Variants in MYO7A observed in about 807,000 individuals in gnomAD.
MYO7A encodes unconventional myosin-VIIa.
In MYO7A, 210 loss-of-function variants were observed where a neutral mutation model predicts 263.8. The observed-to-expected ratio is 0.80, with a 90% CI of 0.71 to 0.89. MYO7A has a LOEUF of 0.89. Ranked by LOEUF, MYO7A falls within the 40% of genes least tolerant of loss-of-function variation. MYO7A has a pLI of 0.00. For missense variants in MYO7A, 2,820 were observed against 2,968.3 expected, an observed-to-expected ratio of 0.95 and a Z score of 1.16; for synonymous variants, 1,239 against 1,197.3, an observed-to-expected ratio of 1.03 and a Z score of -0.72.
rs1469572943 is a variant in MYO7A at position 77,190,847 on chromosome 11, C to T, written c.3901C>T (p.Leu1301Phe). 1.9e-6 allele frequency: 3 copies of T among 1,582,776 alleles called. No homozygotes were observed. Among genetic ancestry groups the T allele is most frequent in the African/African-American group, 1.3e-5 (1 of 74,298 alleles). ...TCTCAAGGACCGGTTCGGGTTCTCC[C>T]TCTACATTGCCCTGTTTGACAAGGT... The part of the protein sequence containing the change: ...ISLKDRFGFS[L>F]YIALFDKVSS... Residue 1301 changes from leucine to phenylalanine, a missense_variant, in exon 30 of 49, where the codon CTC becomes TTC. By Grantham distance (22) the Leu-to-Phe change is conservative. Coordinates refer to ENST00000409709, the MANE Select transcript of MYO7A (RefSeq NM_000260.4).
At chr11:77,197,848 C>T (rs777111420) in intron 33 of MYO7A, among the ~76,000 whole-genome samples, 1 of 152,250 alleles carries the variant, frequency 6.6e-6, no homozygotes, top group African/African-American at 2.4e-5. Context: ...CTCTTGCCTG[C>T]GGGATGCTTG....
chr11:77,199,295 C>G (rs1956899006), intron 34 of MYO7A, among the ~76,000 whole-genome samples: 1 of 152,180 alleles, frequency 6.6e-6, no homozygotes, highest in Non-Finnish European at 1.5e-5. Context: ...ATGGTATGAT[C>G]AGGGCTGTGG....
At position 77,167,183 on chromosome 11, in the gene MYO7A, G is replaced by A. The variant is rs540026725; in HGVS notation, c.1797+1021G>A. 1.4e-4 allele frequency among the ~76,000 whole-genome samples: 21 copies of A among 152,308 alleles called. 2 individuals are homozygous for A. The South Asian group carries it at 4.4e-3, about 32-fold the overall frequency. On this transcript the variant is annotated intron_variant, in intron 15 of 48. Coordinates refer to ENST00000409709, the MANE Select transcript of MYO7A (RefSeq NM_000260.4). ...TGTGTTTGGTTTTTGAGTTGTGTGT[G>A]CTGCAGGCATTTCTTTCTTCAAGGA... is the stretch of plus-strand genomic sequence containing the variant.
chr11:77,180,499 A>G lies in MYO7A; in HGVS notation c.2694+18A>G, dbSNP rs1955084521. 6.2e-7 allele frequency: 1 copy of G among 1,602,430 alleles called. No homozygotes were observed. The highest frequency in any genetic ancestry group is 1.3e-5 in the African/African-American group (1 of 74,888). On this transcript the variant is annotated intron_variant, in intron 22 of 48. Transcript: ENST00000409709. ...AGCATCAGGTGAGCTGAGAGCCTCC[A>G]GGCACCTTAGGTGTCCACTTGCTGG...
intron 3 of MYO7A, among the ~76,000 whole-genome samples, chr11:77,147,289 C>A (rs1190448609): frequency 1.3e-5 from 2 of 152,126 alleles, no homozygotes; most frequent in Non-Finnish European, 2.9e-5. Flanking sequence ...ATGCCACCTC[C>A]TCGGAGGGGC....
chr11:77,184,507 A>G (rs1955513373), intron 26 of MYO7A, 81 bp from the exon 27 acceptor site: 1 of 1,242,744 alleles, frequency 8.0e-7, no homozygotes, highest in South Asian at 1.3e-5. Context: ...TCTGGGGAGC[A>G]GGCAGCCTCG....
At chr11:77,167,347 C>T (rs1027398087) in intron 15 of MYO7A, among the ~76,000 whole-genome samples, 4 of 152,080 alleles carry the variant, frequency 2.6e-5, no homozygotes, top group East Asian at 3.9e-4. Flanking sequence ...CCCTGGTGGG[C>T]GCCTATGGCC....
intron 14 of MYO7A, 116 bp downstream of exon 14, chr11:77,163,104 A>G: frequency 1.6e-6 from 1 of 644,782 alleles, no homozygotes; most frequent in Non-Finnish European, 2.1e-6. Context: ...GTGATTATTC[A>G]TATATATATA....
At chr11:77,193,534 G>C (rs1476717153) in intron 31 of MYO7A, among the ~76,000 whole-genome samples, 2 of 150,400 alleles carry the variant, frequency 1.3e-5, no homozygotes, top group Admixed American at 6.6e-5. Flanking sequence ...GGCAGTGATG[G>C]TGGTGATGGT....
chr11:77,182,666 C>T, intron 25 of MYO7A, 66 bp downstream of exon 25: 1 of 1,540,660 alleles, frequency 6.5e-7, no homozygotes, highest in Non-Finnish European at 8.9e-7. Flanking sequence ...CTGGCATCAC[C>T]AGCCTTGGGC....
chr11:77,145,341 G>T (rs891718706), intron 3 of MYO7A, among the ~76,000 whole-genome samples: 14 of 152,174 alleles, frequency 9.2e-5, no homozygotes, highest in Non-Finnish European at 1.9e-4. Context: ...TGGGAAGAAG[G>T]GATTCTTACT....
At chr11:77,134,099 T>A (rs1555046759) in intron 2 of MYO7A, among the ~76,000 whole-genome samples, 1 of 151,834 alleles carries the variant, frequency 6.6e-6, no homozygotes, top group Non-Finnish European at 1.5e-5. Flanking sequence ...CTGGCTAATT[T>A]TTTTTATTTT....
At chr11:77,205,347 C>T (rs771603113) in intron 39 of MYO7A, 115 bp from the exon 40 acceptor site, 32 of 1,251,606 alleles carry the variant, frequency 2.6e-5, no homozygotes, top group Middle Eastern at 2.7e-4. Flanking sequence ...TCAGGAGGGA[C>T]GGTGCTGCTG....
chr11:77,195,620 C>T (rs186948683), intron 32 of MYO7A, among the ~76,000 whole-genome samples: 235 of 152,348 alleles, frequency 1.5e-3, no homozygotes, highest in African/African-American at 5.4e-3. Context: ...AGACACAGCC[C>T]TTTGTGGGAC....
intron 18 of MYO7A, among the ~76,000 whole-genome samples, chr11:77,175,982 G>A (rs782000697): frequency 2.6e-5 from 4 of 152,360 alleles, no homozygotes; most frequent in South Asian, 2.1e-4. Flanking sequence ...CAAGGCCTGC[G>A]GGAGTCGCGG....
chr11:77,157,248 C>A, intron 7 of MYO7A, 31 bp from the exon 8 acceptor site: 1 of 1,556,154 alleles, frequency 6.4e-7, no homozygotes, highest in East Asian at 2.3e-5. Context: ...CCCTCCTCCC[C>A]TGGCCCCCAG....
chr11:77,206,411 G>A (rs1292116270), intron 41 of MYO7A, among the ~76,000 whole-genome samples: 1 of 152,228 alleles, frequency 6.6e-6, no homozygotes, highest in Non-Finnish European at 1.5e-5. Flanking sequence ...CTGCTTCCTG[G>A]AGCAGCTTCC....
chr11:77,211,906 C>A lies in MYO7A; in HGVS notation c.6323C>A (p.Pro2108His), dbSNP rs1327272878. The A allele has an allele frequency of 6.2e-7, 1 of 1,613,930 alleles. No individual in the cohort carries two copies. Among genetic ancestry groups the A allele is most frequent in the Non-Finnish European group, 8.5e-7 (1 of 1,179,846 alleles). ...LAFLKLIFKW[P>H]TFGSAFFEVK... ...TTCCTGAAGCTCATCTTCAAGTGGC[C>A]CACCTTTGGCTCAGCCTTCTTCGAG... The change falls in exon 46 of 49, where the codon CCC (proline) becomes CAC (histidine). Residue 2108 changes from proline (P) to histidine (H), a missense_variant. Transcript: ENST00000409709.
intron 40 of MYO7A, 72 bp from the exon 41 acceptor site, chr11:77,206,025 T>TCCAAGTGTCCCGGTCC: frequency 8.1e-7 from 1 of 1,231,240 alleles, no homozygotes; most frequent in Non-Finnish European, 1.2e-6. Flanking sequence ...GTTGTCTGCC[T>TCCAAGTGTCCCGGTCC]CCAAGTGTCC....
Sources: gnomAD v4.1 joint callset for allele counts (sites outside exome capture counted in the v4.1 genomes callset) on GRCh38, gnomAD v4.1.1 for gene constraint, MANE v1.5 for transcripts, NCBI Gene and HGNC (gene_info 2026-07-23, HGNC 2026-07-21) for gene names.